PTPRA: variants seen among roughly 807,000 people sequenced by gnomAD.
PTPRA encodes the protein protein tyrosine phosphatase receptor type A.
A neutral mutation model predicts 104.8 loss-of-function variants in PTPRA; 25 were observed. The observed-to-expected ratio is 0.24, with a 90% confidence interval of 0.17 to 0.33. The LOEUF is 0.33. Ranked by LOEUF, PTPRA falls within the 10% of genes least tolerant of loss-of-function variation. PTPRA has a pLI of 1.00. For synonymous variants in PTPRA, 323 were observed against 368.9 expected (o/e 0.88, Z 1.43); for missense variants, 765 against 1,015.3 (o/e 0.75, Z 3.35).
In PTPRA at chr20:2,975,173, T is replaced by A. The variant is rs779991418; in HGVS notation, c.416-42T>A. 2.2e-5 allele frequency: 34 copies of A among 1,517,438 alleles called. No homozygotes were observed. The South Asian group carries it at 3.8e-4, about 17-fold the overall frequency. The allele number at this position is 1,517,438 out of a possible 1,614,324, so 94.0% of individuals were successfully genotyped here. ...CTCTAATTGAATTGTAATGTGTTTC[T>A]TTAACCTGAATGAATGTTTCTATTT... On this transcript the variant is annotated intron_variant, in intron 5 of 23. Coordinates refer to ENST00000399903, the MANE Select transcript of PTPRA (RefSeq NM_001385305.1).
At chr20:2,869,479 C>G (rs904768402), upstream of PTPRA, among the ~76,000 whole-genome samples, 1 of 152,214 alleles carries the variant, frequency 6.6e-6, no homozygotes, top group African/African-American at 2.4e-5. Flanking sequence ...CTTGCTTACT[C>G]AATTGAAATT....
intron 1 of PTPRA, among the ~76,000 whole-genome samples, chr20:2,877,734 A>G (rs541812116): frequency 6.6e-6 from 1 of 152,354 alleles, no homozygotes; most frequent in South Asian, 2.1e-4. Context: ...CTCTAAATTC[A>G]CATCCATTTG....
At chr20:2,927,587 A>C (rs1348987700) in intron 2 of PTPRA, among the ~76,000 whole-genome samples, 1 of 152,192 alleles carries the variant, frequency 6.6e-6, no homozygotes, top group Admixed American at 6.5e-5. Context: ...ACCAGTGGGC[A>C]CTGTTTTTTA....
chr20:2,926,911 C>T (rs577905656), intron 2 of PTPRA, among the ~76,000 whole-genome samples: 1 of 151,954 alleles, frequency 6.6e-6, no homozygotes, highest in South Asian at 2.1e-4. Context: ...CTGCCTCAGC[C>T]TCCCAAGTAG....
Position 3,037,191 on chromosome 20 carries a change from A to T in PTPRA, c.2236A>T (p.Ser746Cys). ...AAGGACGGGGACCTTCTGTGCCCTG[A>T]GCACCGTCCTGGAGCGTGTGAAAGC... ...AGRTGTFCALSTVLERVKAEG... is the reference protein window; with the variant it reads ...AGRTGTFCALCTVLERVKAEG... The change falls in exon 23 of 24, where the codon AGC becomes TGC. Residue 746 changes from serine (S) to cysteine (C), a missense_variant. By Grantham distance (112) the Ser-to-Cys change is moderately radical. Coordinates refer to ENST00000399903, the MANE Select transcript of PTPRA (RefSeq NM_001385305.1). The surrounding 1 kb of genome is among the most constrained non-coding windows in gnomAD (Gnocchi z 4.3). 1 of 1,614,188 alleles carries T rather than the reference A, an allele frequency of 6.2e-7. No homozygotes were observed. The highest frequency in any genetic ancestry group is 2.2e-5 in the East Asian group (1 of 44,872).
At chr20:2,977,233 G>A (rs1003523007) in intron 6 of PTPRA, among the ~76,000 whole-genome samples, 13 of 150,716 alleles carry the variant, frequency 8.6e-5, no homozygotes, top group South Asian at 2.1e-4. Context: ...CCAAGATCGC[G>A]CTCTTGGCTG....
chr20:3,026,802 C>G, intron 18 of PTPRA, 22 bp downstream of exon 18: 1 of 1,561,828 alleles, frequency 6.4e-7, no homozygotes, highest in South Asian at 1.1e-5. Context: ...CCCGCCACTC[C>G]AAAGCCTTAT....
chr20:2,897,876 C>T (rs1452167237), intron 1 of PTPRA, among the ~76,000 whole-genome samples: 2 of 148,646 alleles, frequency 1.3e-5, no homozygotes, highest in South Asian at 2.1e-4. Flanking sequence ...CAGGCTGGCT[C>T]CTGTGTCCTT....
In PTPRA at chr20:3,038,204, C is replaced by T. The variant is rs1331229444; in HGVS notation, c.*71C>T. 2.1e-6 allele frequency: 3 copies of T among 1,409,108 alleles called. No individual in the cohort carries two copies. The highest frequency in any genetic ancestry group is 4.6e-5 in the East Asian group (2 of 43,754). The allele number at this position is 1,409,108 out of a possible 1,614,324, so 87.3% of individuals were successfully genotyped here. On this transcript the variant is annotated 3_prime_UTR_variant, in exon 24 of 24. Coordinates refer to ENST00000399903, the MANE Select transcript of PTPRA (RefSeq NM_001385305.1). The stretch of plus-strand genomic sequence containing the variant: ...TGTAATATTCTGTTTTGTTAATATA[C>T]CCCAAATTGTGTATATATCTTATAA...
upstream of PTPRA, among the ~76,000 whole-genome samples, chr20:2,871,010 T>TGGGCAGGTCTCTACAGGC (rs373359842): frequency 1.7e-4 from 26 of 152,170 alleles, no homozygotes; most frequent in African/African-American, 5.5e-4. Context: ...GATGGAGGGC[T>TGGGCAGGTCTCTACAGGC]GGGCAGGTCT....
At chr20:2,993,013 G>A (rs1474639364) in intron 9 of PTPRA, among the ~76,000 whole-genome samples, 1 of 152,222 alleles carries the variant, frequency 6.6e-6, no homozygotes, top group African/African-American at 2.4e-5. Flanking sequence ...GAGCCTAGGA[G>A]TTTGAGGCTG....
intron 20 of PTPRA, among the ~76,000 whole-genome samples, chr20:3,034,139 C>T (rs1010078068): frequency 3.9e-5 from 6 of 151,916 alleles, no homozygotes; most frequent in African/African-American, 7.3e-5. Context: ...GGCATGGTGG[C>T]GCACACTTGT....
At chr20:2,930,963 G>C (rs936195504) in intron 2 of PTPRA, among the ~76,000 whole-genome samples, 1 of 152,150 alleles carries the variant, frequency 6.6e-6, no homozygotes, top group Non-Finnish European at 1.5e-5. Context: ...TGAAAACTTT[G>C]AGCAGGATGA....
intron 9 of PTPRA, among the ~76,000 whole-genome samples, chr20:2,995,506 G>T (rs2063362105): frequency 6.6e-6 from 1 of 152,184 alleles, no homozygotes; most frequent in Non-Finnish European, 1.5e-5. Context: ...ATGCAGGCTG[G>T]GTTGTGGGGC....
intron 3 of PTPRA, among the ~76,000 whole-genome samples, chr20:2,963,903 C>T (rs1390584006): frequency 6.6e-6 from 1 of 151,802 alleles, no homozygotes; most frequent in African/African-American, 2.4e-5. Flanking sequence ...AGCCAGGCAT[C>T]GTAGTACATG....
At chr20:2,971,439 C>G (rs2062182194) in intron 5 of PTPRA, among the ~76,000 whole-genome samples, 1 of 152,140 alleles carries the variant, frequency 6.6e-6, no homozygotes, top group African/African-American at 2.4e-5. Context: ...TACTGGCCAC[C>G]TTAAACTCTC....
At chr20:2,971,494 G>A (rs1026976072) in intron 5 of PTPRA, among the ~76,000 whole-genome samples, 5 of 152,146 alleles carry the variant, frequency 3.3e-5, no homozygotes, top group African/African-American at 1.2e-4. Flanking sequence ...ATGGCTTCAA[G>A]TCATCTCATC....
intron 1 of PTPRA, among the ~76,000 whole-genome samples, chr20:2,910,357 T>TATA (rs1313051827): frequency 8.0e-5 from 10 of 124,762 alleles, no homozygotes; most frequent in African/African-American, 2.7e-4. Flanking sequence ...TATTATATAT[T>TATA]TTATATATAA....
At chr20:2,933,435 TTTGG>T (rs781388996) in intron 2 of PTPRA, among the ~76,000 whole-genome samples, 88 of 151,892 alleles carry the variant, frequency 5.8e-4, no homozygotes, top group South Asian at 8.3e-4. Context: ...GGTTCTTTCT[TTTGG>T]TTGGTTGGTT....
Sources: allele counts gnomAD v4.1 joint callset (sites outside exome capture counted in the v4.1 genomes callset), GRCh38; gene constraint gnomAD v4.1.1; non-coding constraint Gnocchi (gnomAD v3.1); transcripts MANE v1.5; gene names NCBI Gene and HGNC (gene_info 2026-07-23, HGNC 2026-07-21).